The following IFT88 variants were observed in gnomAD, a reference collection of about 807,000 sequenced individuals.
IFT88 encodes intraflagellar transport 88.
In IFT88, 74 loss-of-function variants were observed where a neutral mutation model predicts 119.5. The ratio of observed to expected loss-of-function variants is 0.62; its 90% confidence interval spans 0.51 to 0.75. The LOEUF (loss-of-function observed/expected upper bound fraction) is 0.75, where lower values mean the gene tolerates loss of function less well. IFT88 is among the 30% of genes least tolerant of loss of function. The probability of loss-of-function intolerance (pLI) is 0.00; values close to 1 mark genes in which losing one functional copy is unlikely to be tolerated. For missense variants in IFT88, 961 were observed against 977.7 expected (o/e 0.98, Z 0.23); for synonymous variants, 279 against 316.7 (o/e 0.88, Z 1.26).
chr13:20,619,692 G>A (rs2046187940), intron 14 of IFT88, among the ~76,000 whole-genome samples: 1 of 151,802 alleles, frequency 6.6e-6, no homozygotes, highest in Non-Finnish European at 1.5e-5. Context: ...GTACAGTTGT[G>A]CACATCTCTT....
At chr13:20,636,809 G>A (rs1195536457) in intron 16 of IFT88, among the ~76,000 whole-genome samples, 2 of 152,164 alleles carry the variant, frequency 1.3e-5, no homozygotes, top group East Asian at 3.8e-4. Context: ...ACCAATTTTT[G>A]TTTCAGAGTT....
chr13:20,624,468 T>C (rs1447132975), intron 14 of IFT88, among the ~76,000 whole-genome samples: 1 of 152,164 alleles, frequency 6.6e-6, no homozygotes, highest in Non-Finnish European at 1.5e-5. Flanking sequence ...GAGACTCTCA[T>C]GTGAGGGCCA....
chr13:20,668,020 G>A (rs939884714), intron 23 of IFT88, among the ~76,000 whole-genome samples: 4 of 152,086 alleles, frequency 2.6e-5, no homozygotes, highest in African/African-American at 4.8e-5. Context: ...TTAACTTTCC[G>A]TCTGCCTGAC....
At chr13:20,579,688 A>T (rs190686492) in intron 2 of IFT88, among the ~76,000 whole-genome samples, 1 of 151,750 alleles carries the variant, frequency 6.6e-6, no homozygotes, top group East Asian at 1.9e-4. Flanking sequence ...AGTCCCCTTT[A>T]CTCTCCCCTC....
chr13:20,668,008 T>G (rs544335485), intron 23 of IFT88, among the ~76,000 whole-genome samples: 47 of 138,236 alleles, frequency 3.4e-4, no homozygotes, highest in African/African-American at 1.4e-3. Flanking sequence ...TGATGGACAC[T>G]CTTAACTTTC....
chr13:20,602,388 A>T (rs1392348567), intron 12 of IFT88, among the ~76,000 whole-genome samples: 2 of 151,846 alleles, frequency 1.3e-5, no homozygotes, highest in Admixed American at 6.6e-5. Flanking sequence ...TATTTTTAGT[A>T]GAGAAGGGGT....
chr13:20,661,197 A>C (rs1016727154), intron 22 of IFT88, among the ~76,000 whole-genome samples: 1 of 152,178 alleles, frequency 6.6e-6, no homozygotes, highest in Non-Finnish European at 1.5e-5. Context: ...CTCTGCCCAA[A>C]CTAGGGGACG....
At chr13:20,666,193 T>C (rs768233085) in intron 23 of IFT88, among the ~76,000 whole-genome samples, 18 of 152,202 alleles carry the variant, frequency 1.2e-4, no homozygotes, top group Non-Finnish European at 2.1e-4. Context: ...GATGTTTACC[T>C]TTCTGGACTT....
At chr13:20,653,818 A>T in intron 20 of IFT88, 58 bp from the exon 21 acceptor site, 1 of 955,984 alleles carries the variant, frequency 1.0e-6, no homozygotes, top group African/African-American at 1.7e-5. Flanking sequence ...TAGCTTTATA[A>T]AACTGAGCAT....
intron 22 of IFT88, among the ~76,000 whole-genome samples, 181 bp downstream of exon 22, chr13:20,656,611 A>G (rs2052858134): frequency 6.6e-6 from 1 of 152,186 alleles, no homozygotes; most frequent in African/African-American, 2.4e-5. Flanking sequence ...ATTTTTATGT[A>G]ACTAATTGTT....
intron 14 of IFT88, among the ~76,000 whole-genome samples, chr13:20,622,396 G>A (rs2046682958): frequency 6.6e-6 from 1 of 152,194 alleles, no homozygotes; most frequent in East Asian, 1.9e-4. Context: ...GGTTTTGTGA[G>A]AAACTGCCAA....
At chr13:20,681,321 C>T (rs1411635299) in intron 24 of IFT88, among the ~76,000 whole-genome samples, 1 of 152,210 alleles carries the variant, frequency 6.6e-6, no homozygotes. Context: ...TCTACACATA[C>T]ATGCACATAA....
intron 3 of IFT88, among the ~76,000 whole-genome samples, chr13:20,584,071 C>T (rs1354267196): frequency 2.0e-5 from 3 of 151,790 alleles, no homozygotes; most frequent in Non-Finnish European, 1.5e-5. Flanking sequence ...GTGAACCTTC[C>T]AACTTTGTTC....
At chr13:20,608,561 A>G (rs1262616077) in intron 13 of IFT88, among the ~76,000 whole-genome samples, 1 of 152,168 alleles carries the variant, frequency 6.6e-6, no homozygotes, top group Admixed American at 6.5e-5. Context: ...GTGGCTGTAG[A>G]CCATGGGCTG....
intron 21 of IFT88, among the ~76,000 whole-genome samples, chr13:20,655,167 C>T (rs1011154639): frequency 8.5e-5 from 13 of 152,202 alleles, no homozygotes; most frequent in Admixed American, 5.2e-4. Context: ...GACACAGTGG[C>T]TCACGCCTGT....
In IFT88 at chr13:20,572,124, A is replaced by G. The variant is rs1016818697; in HGVS notation, c.-6-2256A>G. The stretch of plus-strand genomic sequence containing the variant: ...CAAGGTTTAAAGAATTTTATGTTGA[A>G]TGTTACTCCTGCTACCTAGATTCCA... On this transcript the variant is annotated intron_variant, in intron 1 of 25. Transcript: ENST00000351808. Among the ~76,000 whole-genome samples, 4 of 152,114 alleles carry G rather than the reference A, an allele frequency of 2.6e-5. No individual in the cohort carries two copies. In the South Asian group the frequency reaches 6.2e-4, roughly 24 times the overall value.
At chr13:20,650,418 A>G (rs1206490873) in intron 20 of IFT88, among the ~76,000 whole-genome samples, 3 of 152,212 alleles carry the variant, frequency 2.0e-5, no homozygotes, top group Admixed American at 1.3e-4. Flanking sequence ...ACAAAATTCA[A>G]CACCGCTTTG....
At chr13:20,690,194 G>GA (rs1362371420) in intron 24 of IFT88, among the ~76,000 whole-genome samples, 6 of 152,210 alleles carry the variant, frequency 3.9e-5, no homozygotes, top group South Asian at 2.1e-4. Flanking sequence ...TTACATAATA[G>GA]AAAAAATATC....
chr13:20,644,780 T>C (rs1045008230), intron 19 of IFT88, 63 bp from the exon 20 acceptor site: 11 of 732,466 alleles, frequency 1.5e-5, no homozygotes, highest in Non-Finnish European at 2.4e-5. Context: ...GGTAAAGTAT[T>C]CAAGAAGTAA....
Sources: gnomAD v4.1 joint callset for allele counts (sites outside exome capture counted in the v4.1 genomes callset) on GRCh38, gnomAD v4.1.1 for gene constraint, MANE v1.5 for transcripts, NCBI Gene and HGNC (gene_info 2026-07-23, HGNC 2026-07-21) for gene names.